Variants in ZNF676 observed in about 807,000 individuals in gnomAD.
The protein encoded by ZNF676 is zinc finger protein 676.
In ZNF676, 4 loss-of-function variants were observed where a neutral mutation model predicts 6.0. The observed-to-expected ratio is 0.67, with a 90% CI of 0.33 to 1.53. ZNF676 has a LOEUF of 1.53. Ranked by LOEUF, ZNF676 falls within the 40% of genes most tolerant of loss-of-function variation. The pLI is 0.06. For synonymous variants in ZNF676, 198 were observed against 223.1 expected (o/e 0.89, Z 1.00); for missense variants, 644 against 679.7 (o/e 0.95, Z 0.58).
chr19:22,214,634 T>A (rs1365235457), intron 1 of ZNF676, among the ~76,000 whole-genome samples: 2 of 150,120 alleles, frequency 1.3e-5, no homozygotes, highest in East Asian at 2.0e-4. Flanking sequence ...TTCAAATGTA[T>A]TTTTTTTAAA....
At chr19:22,206,984 A>C (rs1305385217) in intron 1 of ZNF676, among the ~76,000 whole-genome samples, 1 of 152,220 alleles carries the variant, frequency 6.6e-6, no homozygotes, top group East Asian at 1.9e-4. Context: ...CACAGCCAAA[A>C]TACTGAATGG....
At chr19:22,200,094 T>C (rs1489269540), upstream of ZNF676, among the ~76,000 whole-genome samples, 2 of 152,164 alleles carry the variant, frequency 1.3e-5, no homozygotes, top group Non-Finnish European at 2.9e-5. Flanking sequence ...AATTCTGTTC[T>C]CTATGGCACT....
chr19:22,205,044 T>C (rs2024063003), intron 1 of ZNF676, among the ~76,000 whole-genome samples: 1 of 152,168 alleles, frequency 6.6e-6, no homozygotes, highest in South Asian at 2.1e-4. Flanking sequence ...GACAAGTTCT[T>C]GAACTCTTGG....
intron 2 of ZNF676, among the ~76,000 whole-genome samples, chr19:22,181,861 A>T (rs1418752568): frequency 2.0e-5 from 3 of 152,042 alleles, no homozygotes; most frequent in African/African-American, 4.8e-5. Flanking sequence ...TGTTAAATTT[A>T]CCCAATACAA....
chr19:22,246,503 G>A, the ZNF676 span, among the ~76,000 whole-genome samples: 1 of 152,166 alleles, frequency 6.6e-6, no homozygotes, highest in Non-Finnish European at 1.5e-5. Context: ...GCTCCTTGCA[G>A]GTAGAGCTGG....
At chr19:22,255,199 A>G in the ZNF676 span, among the ~76,000 whole-genome samples, 2 of 152,178 alleles carry the variant, frequency 1.3e-5, no homozygotes, top group Non-Finnish European at 2.9e-5. Context: ...ATCTGTGGAC[A>G]AGATCCATGT....
At chr19:22,252,232 T>C in the ZNF676 span, among the ~76,000 whole-genome samples, 1 of 151,770 alleles carries the variant, frequency 6.6e-6, no homozygotes, top group Non-Finnish European at 1.5e-5. Context: ...CTGTCTCTAC[T>C]AAAAATAGAA....
At position 22,215,542 on chromosome 19, in the gene ZNF676, C is replaced by A. The variant is rs947061780; in HGVS notation, c.3+90G>T. The A allele has an allele frequency of 1.2e-5, 17 of 1,453,104 alleles. No homozygotes were observed. The Admixed American group carries it at 2.6e-4, about 22-fold the overall frequency. 90.0% of individuals were successfully genotyped at this position (1,453,104 alleles called of 1,614,324 possible). On this transcript the variant is annotated intron_variant, in intron 1 of 3. Transcript: ENST00000650058. Reference sequence around the variant, plus strand: ...CAAGGAGAACTTGTGGAGCTGACTGCGGGTAGGCTTGAGTCCCGCCACAGC... The same window carrying A: ...CAAGGAGAACTTGTGGAGCTGACTGAGGGTAGGCTTGAGTCCCGCCACAGC...
chr19:22,193,203 AT>A, intron 1 of ZNF676, 92 bp from the exon 2 acceptor site: 1 of 1,282,312 alleles, frequency 7.8e-7, no homozygotes, highest in South Asian at 2.2e-5. Flanking sequence ...GTAATAGAAT[AT>A]TCTAATACAT....
chr19:22,257,344 T>C, the ZNF676 span, among the ~76,000 whole-genome samples: 2 of 151,868 alleles, frequency 1.3e-5, no homozygotes, highest in African/African-American at 2.4e-5. Flanking sequence ...CTAGTCAGGG[T>C]CAAGGTAAAA....
intron 2 of ZNF676, among the ~76,000 whole-genome samples, chr19:22,183,981 A>G (rs1245964155): frequency 6.6e-6 from 1 of 152,246 alleles, no homozygotes. Context: ...ATAGAATAGA[A>G]GAAACACAAG....
chr19:22,220,231 G>T (rs970520821), upstream of ZNF676, among the ~76,000 whole-genome samples: 4 of 152,060 alleles, frequency 2.6e-5, no homozygotes, highest in African/African-American at 9.7e-5. Context: ...AGTATTTTAT[G>T]GAAGATTTTT....
chr19:22,185,284 T>C (rs2023820954), intron 2 of ZNF676, among the ~76,000 whole-genome samples: 1 of 151,962 alleles, frequency 6.6e-6, no homozygotes, highest in Non-Finnish European at 1.5e-5. Context: ...GCCTGACTGT[T>C]AAAAGGAAAA....
intron 1 of ZNF676, among the ~76,000 whole-genome samples, chr19:22,213,510 G>C (rs1568536766): frequency 6.6e-6 from 1 of 152,180 alleles, no homozygotes; most frequent in Non-Finnish European, 1.5e-5. Flanking sequence ...GCATTCACCT[G>C]CTCTCCTGAA....
At chr19:22,188,096 T>G (rs1467505074) in intron 2 of ZNF676, among the ~76,000 whole-genome samples, 9 of 152,062 alleles carry the variant, frequency 5.9e-5, no homozygotes, top group Non-Finnish European at 1.3e-4. Flanking sequence ...TGATGAACAC[T>G]GATGCAAAAC....
chr19:22,253,444 G>GTATA, the ZNF676 span, among the ~76,000 whole-genome samples: 68 of 92,224 alleles, frequency 7.4e-4, no homozygotes, highest in African/African-American at 2.3e-3. Flanking sequence ...ATGATAATGT[G>GTATA]TATATATATA....
intron 1 of ZNF676, among the ~76,000 whole-genome samples, chr19:22,211,924 G>A (rs2024132390): frequency 6.6e-6 from 1 of 152,100 alleles, no homozygotes; most frequent in South Asian, 2.1e-4. Flanking sequence ...TGAGGGCAGG[G>A]CGCAGTGGCT....
At chr19:22,238,656 G>A in the ZNF676 span, among the ~76,000 whole-genome samples, 5 of 152,158 alleles carry the variant, frequency 3.3e-5, no homozygotes, top group East Asian at 3.9e-4. Context: ...AATGGTGTGC[G>A]TATATATACA....
At chr19:22,232,177 CT>C in the ZNF676 span, among the ~76,000 whole-genome samples, 28 of 146,524 alleles carry the variant, frequency 1.9e-4, no homozygotes, top group Non-Finnish European at 2.0e-4. Flanking sequence ...CTTTTCTTTT[CT>C]TTTTTTTTTA....
Sources: gnomAD v4.1 joint callset for allele counts (sites outside exome capture counted in the v4.1 genomes callset) on GRCh38, gnomAD v4.1.1 for gene constraint, MANE v1.5 for transcripts, NCBI Gene and HGNC (gene_info 2026-07-23, HGNC 2026-07-21) for gene names.